The following SMURF1 variants were observed in gnomAD, a reference collection of about 807,000 sequenced individuals.
The protein encoded by SMURF1 is SMAD specific E3 ubiquitin protein ligase 1.
A neutral mutation model predicts 98.0 loss-of-function variants in SMURF1; 44 were observed. The observed-to-expected ratio is 0.45, with a 90% CI of 0.35 to 0.58. SMURF1 has a LOEUF of 0.58. Ranked by LOEUF, SMURF1 falls within the 20% of genes least tolerant of loss-of-function variation. The probability of loss-of-function intolerance (pLI) is 0.00; values close to 1 mark genes in which losing one functional copy is unlikely to be tolerated. For missense variants in SMURF1, 687 were observed against 938.4 expected, an observed-to-expected ratio of 0.73 and a Z score of 3.50; for synonymous variants, 396 against 374.9, an observed-to-expected ratio of 1.06 and a Z score of -0.65.
At chr7:99,049,491 A>G in intron 9 of SMURF1, 72 bp downstream of exon 9, 1 of 1,475,402 alleles carries the variant, frequency 6.8e-7, no homozygotes, top group Non-Finnish European at 9.3e-7. Context: ...ATAAATTCAC[A>G]AAAATACCAG....
chr7:99,124,284 T>TC (rs1316367653), intron 1 of SMURF1, among the ~76,000 whole-genome samples: 1 of 152,146 alleles, frequency 6.6e-6, no homozygotes, highest in South Asian at 2.1e-4. Flanking sequence ...AAACCCACAC[T>TC]CCAAGTGGTG....
chr7:99,071,340 G>A (rs113342565), intron 1 of SMURF1, among the ~76,000 whole-genome samples: 2,379 of 152,244 alleles, frequency 0.016, 55 homozygotes, highest in African/African-American at 0.048. Context: ...GATTACAGGC[G>A]TGAGCCACCG....
At chr7:99,043,565 G>T (rs749151746) in intron 11 of SMURF1, among the ~76,000 whole-genome samples, 1 of 152,342 alleles carries the variant, frequency 6.6e-6, no homozygotes, top group African/African-American at 2.4e-5. Flanking sequence ...ACTCCTACCA[G>T]ACCAAACCAG....
intron 1 of SMURF1, among the ~76,000 whole-genome samples, chr7:99,120,299 T>C (rs1365922428): frequency 6.6e-6 from 1 of 152,226 alleles, no homozygotes; most frequent in Non-Finnish European, 1.5e-5. Flanking sequence ...GGTATTTCTT[T>C]ATAGTAATGC....
At chr7:99,056,992 CAAA>C (rs76600092) in intron 5 of SMURF1, among the ~76,000 whole-genome samples, 2 of 108,844 alleles carry the variant, frequency 1.8e-5, no homozygotes, top group Non-Finnish European at 4.0e-5. Flanking sequence ...AAAAAAAAAC[CAAA>C]AAAAAAAAAA....
intron 1 of SMURF1, among the ~76,000 whole-genome samples, chr7:99,084,579 C>T (rs995336743): frequency 6.6e-6 from 1 of 152,078 alleles, no homozygotes. Context: ...ATCAATAGCC[C>T]GTGAATATAT....
chr7:99,118,681 G>T (rs1201847497), intron 1 of SMURF1, among the ~76,000 whole-genome samples: 1 of 152,142 alleles, frequency 6.6e-6, no homozygotes, highest in Non-Finnish European at 1.5e-5. Context: ...GGTTTCTTTT[G>T]GGGGTGATGA....
intron 1 of SMURF1, among the ~76,000 whole-genome samples, chr7:99,086,418 G>A (rs552667110): frequency 6.6e-6 from 1 of 152,068 alleles, no homozygotes; most frequent in South Asian, 2.1e-4. Flanking sequence ...AAATACAGAG[G>A]GGCAAGGATA....
chr7:99,095,496 C>T (rs1796938668), intron 1 of SMURF1, among the ~76,000 whole-genome samples: 1 of 152,116 alleles, frequency 6.6e-6, no homozygotes, highest in Non-Finnish European at 1.5e-5. Flanking sequence ...TAGTAGTTAC[C>T]AAGTTGCAAT....
chr7:99,050,970 C>T (rs375661684), intron 8 of SMURF1: 3 of 1,551,340 alleles, frequency 1.9e-6, no homozygotes, highest in African/African-American at 2.7e-5. Context: ...GCTGCATCTC[C>T]CCCAGGAATG....
chr7:99,095,195 T>C (rs941913269), intron 1 of SMURF1, among the ~76,000 whole-genome samples: 2 of 152,186 alleles, frequency 1.3e-5, no homozygotes, highest in Non-Finnish European at 2.9e-5. Flanking sequence ...TTCTCTTGCC[T>C]CAGCCTCCCG....
At chr7:99,091,666 G>T (rs10266176) in intron 1 of SMURF1, among the ~76,000 whole-genome samples, 8 of 151,964 alleles carry the variant, frequency 5.3e-5, no homozygotes, top group African/African-American at 1.9e-4. Context: ...CTTTATTCTC[G>T]TTCTAGCCCC....
chr7:99,076,184 C>T (rs983943153), intron 1 of SMURF1, among the ~76,000 whole-genome samples: 3 of 152,180 alleles, frequency 2.0e-5, no homozygotes, highest in Non-Finnish European at 4.4e-5. Context: ...GGATTACAGG[C>T]GTGGGCCCCC....
Position 99,101,010 on chromosome 7 carries a change from T to G in SMURF1, c.56-39173A>C, listed in dbSNP as rs1302265210. On this transcript the variant is annotated intron_variant, in intron 1 of 17. Coordinates refer to ENST00000361368, the MANE Select transcript of SMURF1 (RefSeq NM_181349.3). ...AAATGGAGGAAAAGGTGACCAATTT[T>G]TAAATGCATTCGATAAGTTTTCCAG... Among the ~76,000 whole-genome samples, 3 of 152,344 alleles carry G rather than the reference T, an allele frequency of 2.0e-5. No individual in the cohort carries two copies. The East Asian group carries it at 5.8e-4, about 29-fold the overall frequency.
intron 1 of SMURF1, among the ~76,000 whole-genome samples, chr7:99,114,782 A>T (rs999499027): frequency 6.6e-6 from 1 of 152,218 alleles, no homozygotes; most frequent in Non-Finnish European, 1.5e-5. Flanking sequence ...ATTTTAAAAG[A>T]ATGAAGTAAT....
intron 1 of SMURF1, among the ~76,000 whole-genome samples, chr7:99,063,279 A>ATATATAAGATT (rs1563012845): frequency 5.2e-5 from 1 of 19,352 alleles, no homozygotes; most frequent in East Asian, 1.7e-3. Context: ...ATATATATAT[A>ATATATAAGATT]TATATATATA....
intron 16 of SMURF1, 116 bp from the exon 17 acceptor site, chr7:99,033,237 G>T: frequency 9.8e-7 from 1 of 1,016,722 alleles, no homozygotes; most frequent in Non-Finnish European, 1.5e-6. Flanking sequence ...ACCCAGGCAG[G>T]CTGTCCTGTG....
intron 1 of SMURF1, among the ~76,000 whole-genome samples, chr7:99,132,599 C>G (rs762412696): frequency 2.0e-5 from 3 of 151,844 alleles, no homozygotes; most frequent in Non-Finnish European, 4.4e-5. Flanking sequence ...GGAGGGTATC[C>G]CTGAGGTGAT....
chr7:99,110,641 C>T (rs1797296755), intron 1 of SMURF1, among the ~76,000 whole-genome samples: 1 of 152,230 alleles, frequency 6.6e-6, no homozygotes, highest in Admixed American at 6.5e-5. Context: ...AATGTTACAA[C>T]ACCTACGTAG....
Sources: gnomAD v4.1 joint callset for allele counts (sites outside exome capture counted in the v4.1 genomes callset) on GRCh38, gnomAD v4.1.1 for gene constraint, MANE v1.5 for transcripts, NCBI Gene and HGNC (gene_info 2026-07-23, HGNC 2026-07-21) for gene names.